C4orf33: variants seen among roughly 807,000 people sequenced by gnomAD.
C4orf33 encodes the protein UPF0462 protein C4orf33.
A neutral mutation model predicts 24.3 loss-of-function variants in C4orf33; 20 were observed. That is an observed-to-expected ratio of 0.82 (90% CI 0.58 to 1.19). The LOEUF (loss-of-function observed/expected upper bound fraction) is 1.19. Among genes scored for constraint, C4orf33 ranks in the 50% most tolerant of loss-of-function variants. The probability of loss-of-function intolerance (pLI) is 0.00; values close to 1 mark genes in which losing one functional copy is unlikely to be tolerated. For missense variants in C4orf33, 207 were observed against 225.9 expected, an observed-to-expected ratio of 0.92 and a Z score of 0.54; for synonymous variants, 67 against 76.4, an observed-to-expected ratio of 0.88 and a Z score of 0.64.
chr4:129,103,508 A>G (rs1580010443), intron 2 of C4orf33, among the ~76,000 whole-genome samples: 1 of 152,168 alleles, frequency 6.6e-6, no homozygotes, highest in Admixed American at 6.5e-5. Context: ...TCAATACGAA[A>G]TGTAGTTTTT....
upstream of C4orf33, among the ~76,000 whole-genome samples, chr4:129,095,407 C>A (rs1017140951): frequency 3.3e-5 from 5 of 152,072 alleles, no homozygotes; most frequent in Non-Finnish European, 7.4e-5. Flanking sequence ...GATTAAATAT[C>A]TGATGGAAGG....
At chr4:129,102,107 G>A (rs1561087806) in intron 1 of C4orf33, 1 of 151,974 alleles carries the variant, frequency 6.6e-6, no homozygotes, top group Non-Finnish European at 1.5e-5. Flanking sequence ...GATTCCCAGA[G>A]GATCCAGTAA....
chr4:129,095,734 T>C (rs1324603062), upstream of C4orf33, among the ~76,000 whole-genome samples: 1 of 152,166 alleles, frequency 6.6e-6, no homozygotes, highest in African/African-American at 2.4e-5. Flanking sequence ...AGTGCCTGAG[T>C]TGAGATTTGA....
upstream of C4orf33, among the ~76,000 whole-genome samples, chr4:129,094,615 T>C (rs538987272): frequency 3.3e-5 from 5 of 152,330 alleles, no homozygotes; most frequent in East Asian, 9.6e-4. Flanking sequence ...ATACTCACTG[T>C]TAATAGAATG....
intron 1 of C4orf33, among the ~76,000 whole-genome samples, chr4:129,097,561 A>AT (rs1050723687): frequency 2.4e-4 from 36 of 152,128 alleles, no homozygotes; most frequent in African/African-American, 7.2e-4. Context: ...GTATAGCATA[A>AT]TTTTTTTTAC....
rs910940802 is a variant in C4orf33 at position 129,112,918 on chromosome 4, T to C, written c.*1127T>C. The C allele has an allele frequency of 6.6e-6, 1 of 152,192 alleles. No homozygotes were observed. Among genetic ancestry groups the C allele is most frequent in the Non-Finnish European group, 1.5e-5 (1 of 68,014 alleles). The allele number at this position is 152,192 out of a possible 1,614,324, so 9.4% of individuals were successfully genotyped here. On this transcript the variant is annotated 3_prime_UTR_variant, in exon 6 of 6. Coordinates refer to ENST00000425929, the MANE Select transcript of C4orf33 (RefSeq NM_001099783.2). The stretch of plus-strand genomic sequence containing the variant: ...TCTTAAAACTGACAATAGCAACTAA[T>C]TAATTTGATATAGAAACGATCTGCC...
chr4:129,103,285 C>T lies in C4orf33; in HGVS notation c.181+494C>T, dbSNP rs185596427. On this transcript the variant is annotated intron_variant, in intron 2 of 5. Transcript: ENST00000425929. The stretch of plus-strand genomic sequence containing the variant: ...CTGCCCACCTCAGCCTCCCAAAGTG[C>T]TGGGATTACAGGCGTGAGCCACCTT... Among the ~76,000 whole-genome samples the T allele has an allele frequency of 1.6e-3, 251 of 152,188 alleles. 2 individuals are homozygous for T. The highest frequency in any genetic ancestry group is 0.014 in the East Asian group (70 of 5,166).
chr4:129,103,399 GT>G (rs1245397375), intron 2 of C4orf33, among the ~76,000 whole-genome samples: 1 of 152,010 alleles, frequency 6.6e-6, no homozygotes, highest in African/African-American at 2.4e-5. Flanking sequence ...CAGGATTCCT[GT>G]TTTGTATTTA....
rs780110545 is a variant in C4orf33, at chr4:129,109,363, GTAAA to G, written c.294+10_294+13del. The G allele has an allele frequency of 1.8e-5, 29 of 1,613,500 alleles. No individual in the cohort carries two copies. The highest frequency in any genetic ancestry group is 2.2e-5 in the Non-Finnish European group (26 of 1,179,534). ...GGAAGAAGAAATGTGTGGAAAGTAA[GTAAA>G]TAAAAATAGGAGGCAAAATCATTAC... On this transcript the variant is annotated splice_donor_region_variant and intron_variant, in intron 4 of 5. Transcript: ENST00000425929.
Position 129,096,210 on chromosome 4 carries a change from G to T in C4orf33, c.-10+1G>T, listed in dbSNP as rs1753199974. On this transcript the variant is annotated splice_donor_variant, in intron 1 of 5. Coordinates refer to ENST00000425929, the MANE Select transcript of C4orf33 (RefSeq NM_001099783.2). LOFTEE classifies it low-confidence loss of function (5UTR_SPLICE). ...GCCAGTGTTTGAGAAAAGCTTCGTG[G>T]TCTGTGTTCTCTAGTTGTTCCCTCT... 6.6e-6 allele frequency: 1 copy of T among 152,234 alleles called. No individual in the cohort carries two copies. The highest frequency in any genetic ancestry group is 2.1e-4 in the South Asian group (1 of 4,830). 9.4% of individuals were successfully genotyped at this position (152,234 alleles called of 1,614,324 possible).
At chr4:129,095,048 G>A (rs1028825247), upstream of C4orf33, among the ~76,000 whole-genome samples, 1 of 152,182 alleles carries the variant, frequency 6.6e-6, no homozygotes, top group African/African-American at 2.4e-5. Flanking sequence ...TATCTCAGGT[G>A]AAAACTTTTA....
At chr4:129,094,415 C>T (rs1205759691), upstream of C4orf33, among the ~76,000 whole-genome samples, 1 of 152,080 alleles carries the variant, frequency 6.6e-6, no homozygotes, top group African/African-American at 2.4e-5. Flanking sequence ...TTTTTATGGA[C>T]TGAAGTAAAG....
rs999870678 is a variant in C4orf33 at position 129,116,624 on chromosome 4, A to G, written c.*4833A>G. 6.6e-6 allele frequency: 1 copy of G among 152,250 alleles called. No homozygotes were observed. Among genetic ancestry groups the G allele is most frequent in the African/African-American group, 2.4e-5 (1 of 41,472 alleles). The allele number at this position is 152,250 out of a possible 1,614,324, so 9.4% of individuals were successfully genotyped here. A position where few individuals can be genotyped will look rare whatever the true frequency, so the allele number is the denominator to read the frequency against. ...CTGAGCATTCAGAGAAATAAAAATT[A>G]TGCTAAAAACAAACGTATGTTTTTG... On this transcript the variant is annotated 3_prime_UTR_variant, in exon 6 of 6. Coordinates refer to ENST00000425929, the MANE Select transcript of C4orf33 (RefSeq NM_001099783.2).
Position 129,112,579 on chromosome 4 carries a change from T to G in C4orf33, c.*788T>G, listed in dbSNP as rs1022948215. 2 of 152,154 alleles carry G rather than the reference T, an allele frequency of 1.3e-5. No individual in the cohort carries two copies. Among genetic ancestry groups the G allele is most frequent in the African/African-American group, 2.4e-5 (1 of 41,444 alleles). The allele number at this position is 152,154 out of a possible 1,614,324, so 9.4% of individuals were successfully genotyped here. A position where few individuals can be genotyped will look rare whatever the true frequency, so the allele number is the denominator to read the frequency against. ...TGTAGCTGCATATATTTGTCAACAT[T>G]CCTCATGCTGTATGTTTAGATTTGT... On this transcript the variant is annotated 3_prime_UTR_variant, in exon 6 of 6. Transcript: ENST00000425929.
Position 129,103,669 on chromosome 4 carries a change from G to A in C4orf33, c.181+878G>A, listed in dbSNP as rs562566279. On this transcript the variant is annotated intron_variant, in intron 2 of 5. Transcript: ENST00000425929. The stretch of plus-strand genomic sequence containing the variant: ...CTCTTCATGATGCCATTTCCCAGAT[G>A]ATAAATCATTACTATCCCTAGGATA... Among the ~76,000 whole-genome samples, 6 of 152,242 alleles carry A rather than the reference G, an allele frequency of 3.9e-5. No homozygotes were observed. The South Asian group carries it at 6.2e-4, about 16-fold the overall frequency.
intron 1 of C4orf33, chr4:129,102,153 C>T (rs1359778743): frequency 3.3e-5 from 5 of 152,032 alleles, no homozygotes; most frequent in African/African-American, 1.2e-4. Context: ...AAATAAAAGA[C>T]AAAGGATGAC....
chr4:129,104,554 T>C (rs1238436743), intron 2 of C4orf33, among the ~76,000 whole-genome samples: 1 of 152,214 alleles, frequency 6.6e-6, no homozygotes, highest in Non-Finnish European at 1.5e-5. Flanking sequence ...TTGAAAGGTT[T>C]GCCTGGTAAG....
At chr4:129,109,868 G>A in intron 5 of C4orf33, 196 bp downstream of exon 5, 1 of 993,050 alleles carries the variant, frequency 1.0e-6, no homozygotes, top group Non-Finnish European at 1.4e-6. Flanking sequence ...TCTCACTACT[G>A]TCAGTAGAGC....
upstream of C4orf33, among the ~76,000 whole-genome samples, chr4:129,094,540 A>G (rs1753121188): frequency 6.6e-6 from 1 of 152,170 alleles, no homozygotes; most frequent in South Asian, 2.1e-4. Context: ...CCTTAGCGAT[A>G]TGTGTTAAGA....
Sources: allele counts gnomAD v4.1 joint callset (sites outside exome capture counted in the v4.1 genomes callset), GRCh38; gene constraint gnomAD v4.1.1; transcripts MANE v1.5; gene names NCBI Gene and HGNC (gene_info 2026-07-23, HGNC 2026-07-21).